CCDC146: variants seen among roughly 807,000 people sequenced by gnomAD.
CCDC146 encodes the protein coiled-coil domain containing 146, also known as coiled-coil domain-containing protein 146.
In CCDC146, 92 loss-of-function variants were observed where a neutral mutation model predicts 119.3. That is an observed-to-expected ratio of 0.77 (90% CI 0.65 to 0.92). The LOEUF (loss-of-function observed/expected upper bound fraction) is 0.92, where lower values mean the gene tolerates loss of function less well. Ranked by LOEUF, CCDC146 falls within the 40% of genes least tolerant of loss-of-function variation. The pLI is 0.00. For missense variants in CCDC146, 1,000 were observed against 1,103.0 expected, an observed-to-expected ratio of 0.91 and a Z score of 1.32; for synonymous variants, 372 against 371.8, an observed-to-expected ratio of 1.00 and a Z score of -0.01.
At chr7:77,130,966 A>G (rs1190796816) in intron 1 of CCDC146, among the ~76,000 whole-genome samples, 1 of 149,910 alleles carries the variant, frequency 6.7e-6, no homozygotes, top group Non-Finnish European at 1.5e-5. Context: ...ATCTCGGCTC[A>G]CTGCAACCTC....
chr7:77,284,429 G>A (rs972219231), intron 15 of CCDC146, among the ~76,000 whole-genome samples: 3 of 151,650 alleles, frequency 2.0e-5, no homozygotes, highest in African/African-American at 7.3e-5. Flanking sequence ...CCATTTTACA[G>A]AAGAATTTGT....
At chr7:77,180,023 T>A (rs1200726960) in intron 2 of CCDC146, among the ~76,000 whole-genome samples, 1 of 152,164 alleles carries the variant, frequency 6.6e-6, no homozygotes, top group Non-Finnish European at 1.5e-5. Context: ...ATTCCTCTCC[T>A]AAGATGGAAT....
intron 2 of CCDC146, among the ~76,000 whole-genome samples, chr7:77,212,649 A>T (rs555577778): frequency 1.3e-5 from 2 of 151,708 alleles, no homozygotes; most frequent in East Asian, 3.9e-4. Flanking sequence ...AAATTGAAGA[A>T]AAAAATCCCA....
Position 77,259,327 on chromosome 7 carries a change from T to C in CCDC146, c.758+259T>C, listed in dbSNP as rs1793243824. The C allele has an allele frequency of 8.2e-6, 3 of 366,588 alleles. No individual in the cohort carries two copies. In the Admixed American group the frequency reaches 1.3e-4, roughly 16 times the overall value. 22.7% of individuals were successfully genotyped at this position (366,588 alleles called of 1,614,324 possible). A position where few individuals can be genotyped will look rare whatever the true frequency, so the allele number is the denominator to read the frequency against. On this transcript the variant is annotated intron_variant, in intron 7 of 18. Transcript: ENST00000285871. ...TATAAATCATATTTTTATGGAGAAGTTCAATTGACTTTAACAGAGCGGTGC... is the reference window on the plus strand; with the variant it reads ...TATAAATCATATTTTTATGGAGAAGCTCAATTGACTTTAACAGAGCGGTGC...
chr7:77,244,232 T>A (rs1792903516), intron 4 of CCDC146, among the ~76,000 whole-genome samples: 1 of 152,204 alleles, frequency 6.6e-6, no homozygotes, highest in Non-Finnish European at 1.5e-5. Context: ...TTTTAAGCTG[T>A]GTTATGAGTC....
chr7:77,241,894 T>G lies in CCDC146; in HGVS notation c.443T>G (p.Leu148Ter). The G allele has an allele frequency of 6.2e-7, 1 of 1,608,040 alleles. No homozygotes were observed. The highest frequency in any genetic ancestry group is 1.3e-5 in the African/African-American group (1 of 74,884). ...AGAGAGTTCCATAATCAGTACAGAT[T>G]AAATAGGTAAGTGCACAGTTCTCTC... The part of the protein sequence containing the change: ...KEREFHNQYR[L>*]NSLKEEKIII... Residue 148 changes from leucine to a stop codon, truncating the protein, a stop_gained, in exon 4 of 19, where the codon TTA (leucine) becomes TGA (stop). Transcript: ENST00000285871. LOFTEE classifies it high-confidence loss of function.
intron 2 of CCDC146, among the ~76,000 whole-genome samples, chr7:77,233,906 CAT>C (rs1491203069): frequency 2.0e-4 from 13 of 65,872 alleles, no homozygotes; most frequent in East Asian, 6.7e-4. Context: ...AGTATTCTAT[CAT>C]TTTTTTTTTT....
intron 2 of CCDC146, among the ~76,000 whole-genome samples, chr7:77,184,896 C>G (rs1396522306): frequency 6.6e-6 from 1 of 152,092 alleles, no homozygotes; most frequent in East Asian, 1.9e-4. Flanking sequence ...TTACCTTAAG[C>G]TGAGATACAA....
At chr7:77,126,343 G>C (rs2117382927) in intron 1 of CCDC146, among the ~76,000 whole-genome samples, 1 of 152,148 alleles carries the variant, frequency 6.6e-6, no homozygotes, top group East Asian at 1.9e-4. Flanking sequence ...TTCCTGGCCA[G>C]AAACCTCTGT....
At chr7:77,224,149 C>A (rs1445200451) in intron 2 of CCDC146, among the ~76,000 whole-genome samples, 2 of 152,192 alleles carry the variant, frequency 1.3e-5, no homozygotes, top group Non-Finnish European at 2.9e-5. Context: ...GTGGCTTAAA[C>A]ACAAATTTAT....
chr7:77,214,696 T>C (rs555304322), intron 2 of CCDC146, among the ~76,000 whole-genome samples: 22 of 152,262 alleles, frequency 1.4e-4, no homozygotes, highest in Admixed American at 3.9e-4. Flanking sequence ...GGACGTCCTT[T>C]CCCAATTGTT....
chr7:77,181,212 G>A (rs930443977), intron 2 of CCDC146, among the ~76,000 whole-genome samples: 1 of 152,118 alleles, frequency 6.6e-6, no homozygotes, highest in Non-Finnish European at 1.5e-5. Flanking sequence ...CTTTATTGTG[G>A]TTTTCAAGAT....
At chr7:77,264,717 T>C (rs1175755627) in intron 9 of CCDC146, among the ~76,000 whole-genome samples, 1 of 151,976 alleles carries the variant, frequency 6.6e-6, no homozygotes, top group African/African-American at 2.4e-5. Context: ...TTTGTCCTTA[T>C]TCTGTGATAT....
chr7:77,286,697 G>C, intron 15 of CCDC146, 101 bp from the exon 16 acceptor site: 1 of 1,092,630 alleles, frequency 9.2e-7, no homozygotes, highest in Non-Finnish European at 1.4e-6. Flanking sequence ...CCCTTGTCTG[G>C]GTTGGTCCTA....
In CCDC146 at chr7:77,209,818, C is replaced by T. The variant is rs543139851; in HGVS notation, c.157-27129C>T. On this transcript the variant is annotated intron_variant, in intron 2 of 18. Transcript: ENST00000285871. ...CATCAAGGCTTGGGGCTTGTACCCT[C>T]TGAAACAACAGCCCATTCTGTACCT... Among the ~76,000 whole-genome samples, 10 of 152,310 alleles carry T rather than the reference C, an allele frequency of 6.6e-5. No homozygotes were observed. The East Asian group carries it at 1.9e-3, about 29-fold the overall frequency.
intron 7 of CCDC146, among the ~76,000 whole-genome samples, chr7:77,259,747 TG>T (rs1464957128): frequency 6.6e-6 from 1 of 152,048 alleles, no homozygotes; most frequent in Non-Finnish European, 1.5e-5. Context: ...GGTAGCAAAT[TG>T]GGATCTGCAC....
At chr7:77,265,995 A>G (rs1016944493) in intron 9 of CCDC146, among the ~76,000 whole-genome samples, 6 of 152,200 alleles carry the variant, frequency 3.9e-5, no homozygotes, top group African/African-American at 1.2e-4. Context: ...AAGACATCAT[A>G]CTGTCATGTA....
intron 1 of CCDC146, among the ~76,000 whole-genome samples, chr7:77,139,861 C>CCCTT (rs374681436): frequency 0.016 from 2,393 of 148,418 alleles, 80 homozygotes; most frequent in East Asian, 0.14. Flanking sequence ...CAATTCTCTC[C>CCCTT]CCTTCCTTCC....
intron 1 of CCDC146, among the ~76,000 whole-genome samples, chr7:77,126,331 A>C (rs1490412184): frequency 6.6e-6 from 1 of 152,026 alleles, no homozygotes; most frequent in Non-Finnish European, 1.5e-5. Context: ...TGGGTTGTCA[A>C]TTTCCTGGCC....
Sources: allele counts gnomAD v4.1 joint callset (sites outside exome capture counted in the v4.1 genomes callset), GRCh38; gene constraint gnomAD v4.1.1; transcripts MANE v1.5; gene names NCBI Gene and HGNC (gene_info 2026-07-23, HGNC 2026-07-21).